KCNMA1: variants seen among roughly 807,000 people sequenced by gnomAD.
KCNMA1 encodes the protein potassium calcium-activated channel subfamily M alpha 1, also known as Calcium-activated potassium channel subunit alpha-1.
A neutral mutation model predicts 140.0 loss-of-function variants in KCNMA1; 29 were observed. The observed-to-expected ratio is 0.21, with a 90% confidence interval of 0.15 to 0.28. The LOEUF (loss-of-function observed/expected upper bound fraction) is 0.28. KCNMA1 is among the 10% of genes least tolerant of loss of function. The pLI, the probability that KCNMA1 is intolerant of heterozygous loss-of-function variation, is 1.00. For missense variants in KCNMA1, 880 were observed against 1,602.2 expected, an observed-to-expected ratio of 0.55 and a Z score of 7.70; for synonymous variants, 612 against 611.9, an observed-to-expected ratio of 1.00 and a Z score of 0.00.
At position 77,403,881 on chromosome 10, in the gene KCNMA1, G is replaced by T. The variant is rs1302611390; in HGVS notation, c.521C>A (p.Thr174Lys). 6.2e-7 allele frequency: 1 copy of T among 1,613,988 alleles called. No individual in the cohort carries two copies. The highest frequency in any genetic ancestry group is 1.1e-5 in the South Asian group (1 of 91,066). ...ACTCACCAGGACTCTGCCAGTCAGTGTCTGGGCGGATATCATCACCCCCGC... is the reference window on the plus strand; with the variant it reads ...ACTCACCAGGACTCTGCCAGTCAGTTTCTGGGCGGATATCATCACCCCCGC... ...DWAGVMISAQ[T>K]LTGRVLVVLV... Residue 174 changes from threonine (T) to lysine (K), a missense_variant, in exon 2 of 28, where the codon ACA (threonine) becomes AAA (lysine). Physicochemically the swap from Thr to Lys is moderately conservative, Grantham distance 78. Around this residue, in one of 13 missense-constraint regions of KCNMA1, gnomAD observed 198 missense variants for 580.1 expected, o/e 0.34. Coordinates refer to ENST00000286628, the MANE Select transcript of KCNMA1 (RefSeq NM_001161352.2).
intron 3 of KCNMA1, 107 bp downstream of exon 3, chr10:77,251,088 A>G (rs2154251591): frequency 1.1e-6 from 1 of 876,696 alleles, no homozygotes; most frequent in South Asian, 1.4e-5. Flanking sequence ...AATCTTCTGC[A>G]CTCAGAAGGT....
chr10:77,079,069 G>A (rs983079204), intron 13 of KCNMA1, among the ~76,000 whole-genome samples: 1 of 152,082 alleles, frequency 6.6e-6, no homozygotes, highest in African/African-American at 2.4e-5. Context: ...TTGGGAGTTC[G>A]AGACCATCCT....
intron 1 of KCNMA1, among the ~76,000 whole-genome samples, chr10:77,599,351 T>C (rs903103777): frequency 6.6e-6 from 1 of 152,212 alleles, no homozygotes; most frequent in African/African-American, 2.4e-5. Context: ...TAATAATTTA[T>C]ACATTCGGAG....
At chr10:77,001,618 G>A (rs373465264) in intron 18 of KCNMA1, 38 bp from the exon 19 acceptor site, 47 of 1,502,388 alleles carry the variant, frequency 3.1e-5, no homozygotes, top group African/African-American at 4.2e-5. Flanking sequence ...GAGGAAGAGC[G>A]GCAATTAATG....
chr10:77,336,396 G>GAA (rs976584972), intron 2 of KCNMA1, among the ~76,000 whole-genome samples: 9 of 148,544 alleles, frequency 6.1e-5, no homozygotes, highest in African/African-American at 2.2e-4. Context: ...CATACACTGT[G>GAA]AAATTTCCAA....
At chr10:77,440,179 A>G (rs1362677788) in intron 1 of KCNMA1, among the ~76,000 whole-genome samples, 3 of 152,254 alleles carry the variant, frequency 2.0e-5, no homozygotes, top group Admixed American at 6.5e-5. Context: ...GCCATCTCCT[A>G]TGTTCAAGAC....
intron 14 of KCNMA1, among the ~76,000 whole-genome samples, chr10:77,058,927 A>G (rs894496920): frequency 6.6e-6 from 1 of 152,012 alleles, no homozygotes; most frequent in Non-Finnish European, 1.5e-5. Flanking sequence ...TAATAAAACC[A>G]AAGCCGATTA....
At chr10:77,265,088 A>G (rs568762690) in intron 2 of KCNMA1, among the ~76,000 whole-genome samples, 6 of 150,970 alleles carry the variant, frequency 4.0e-5, no homozygotes, top group Non-Finnish European at 8.9e-5. Context: ...GTTTCACTCT[A>G]TTGCCCAGGC....
chr10:77,325,134 T>C (rs1359648979), intron 2 of KCNMA1, among the ~76,000 whole-genome samples: 2 of 151,944 alleles, frequency 1.3e-5, no homozygotes, highest in Admixed American at 1.3e-4. Flanking sequence ...GCAAAGACAA[T>C]AGGAAAACAG....
intron 1 of KCNMA1, among the ~76,000 whole-genome samples, chr10:77,521,965 C>T (rs2053548883): frequency 6.6e-6 from 1 of 152,250 alleles, no homozygotes; most frequent in South Asian, 2.1e-4. Flanking sequence ...CACCTGAGGT[C>T]AGGAGTTTCA....
rs114474978 is a variant in KCNMA1, at chr10:77,523,129, T to C, written c.378+114136A>G. Among the ~76,000 whole-genome samples the C allele has an allele frequency of 3.2e-4, 49 of 151,870 alleles. 1 individual carries two copies. The highest frequency in any genetic ancestry group is 1.2e-3 in the Admixed American group (19 of 15,248). On this transcript the variant is annotated intron_variant, in intron 1 of 27. Transcript: ENST00000286628. ...TGTAGCAAGATCTTGGTCAAGCTCA[T>C]GCATAGCTTATCTCCACTTCTAGAC...
intron 1 of KCNMA1, among the ~76,000 whole-genome samples, chr10:77,417,445 G>C (rs2096767889): frequency 6.6e-6 from 1 of 152,176 alleles, no homozygotes; most frequent in East Asian, 1.9e-4. Context: ...CTGACGTCTG[G>C]GTAAACCAGG....
intron 1 of KCNMA1, among the ~76,000 whole-genome samples, chr10:77,557,426 C>T (rs1462689754): frequency 6.6e-6 from 1 of 152,156 alleles, no homozygotes; most frequent in African/African-American, 2.4e-5. Context: ...ATAATATTTG[C>T]CCAACTGGGT....
At chr10:77,034,855 T>C (rs1359389037) in intron 15 of KCNMA1, among the ~76,000 whole-genome samples, 1 of 152,236 alleles carries the variant, frequency 6.6e-6, no homozygotes, top group East Asian at 1.9e-4. Context: ...TAAAACCTGA[T>C]ACAATTAAGC....
intron 1 of KCNMA1, among the ~76,000 whole-genome samples, chr10:77,436,718 A>G (rs911730737): frequency 1.3e-5 from 2 of 152,196 alleles, no homozygotes; most frequent in African/African-American, 2.4e-5. Flanking sequence ...AGGAAGTGCC[A>G]TTTGCATTTT....
At chr10:77,549,493 C>G (rs1237522715) in intron 1 of KCNMA1, among the ~76,000 whole-genome samples, 2 of 152,190 alleles carry the variant, frequency 1.3e-5, no homozygotes, top group Admixed American at 6.5e-5. Context: ...CCTCTTTGGG[C>G]TGAACTCTCC....
At chr10:77,584,216 G>C (rs938276485) in intron 1 of KCNMA1, among the ~76,000 whole-genome samples, 3 of 152,162 alleles carry the variant, frequency 2.0e-5, no homozygotes, top group African/African-American at 7.2e-5. Context: ...AACCACCTTA[G>C]ACGGGGCCTT....
At chr10:77,008,164 C>T (rs1296445636) in intron 18 of KCNMA1, 1 of 1,534,336 alleles carries the variant, frequency 6.5e-7, no homozygotes, top group Admixed American at 2.0e-5. Flanking sequence ...CTCCGGGCTG[C>T]TGGGAACCCG....
intron 1 of KCNMA1, among the ~76,000 whole-genome samples, chr10:77,438,804 A>G (rs1271437260): frequency 6.6e-6 from 1 of 152,070 alleles, no homozygotes; most frequent in Non-Finnish European, 1.5e-5. Flanking sequence ...GTAGTGGCCC[A>G]GGTGGCTCAT....
Sources: allele counts gnomAD v4.1 joint callset (sites outside exome capture counted in the v4.1 genomes callset), GRCh38; gene constraint gnomAD v4.1.1; regional missense constraint gnomAD v4.1.1; transcripts MANE v1.5; gene names NCBI Gene and HGNC (gene_info 2026-07-23, HGNC 2026-07-21).